Variants in CCSER1 observed in about 807,000 individuals in gnomAD.
CCSER1 encodes coiled-coil serine rich protein 1.
In CCSER1, 41 loss-of-function variants were observed where a neutral mutation model predicts 82.0. The ratio of observed to expected loss-of-function variants is 0.50; its 90% CI spans 0.39 to 0.65. The LOEUF is 0.65. Among genes scored for constraint, CCSER1 ranks in the 30% least tolerant of loss-of-function variants. CCSER1 has a pLI of 0.00. For synonymous variants in CCSER1, 414 were observed against 383.9 expected, an observed-to-expected ratio of 1.08 and a Z score of -0.92; for missense variants, 1,119 against 1,064.2, an observed-to-expected ratio of 1.05 and a Z score of -0.72.
chr4:90,340,903 A>G (rs1054808990), intron 3 of CCSER1, among the ~76,000 whole-genome samples: 1 of 152,246 alleles, frequency 6.6e-6, no homozygotes, highest in South Asian at 2.1e-4. Context: ...AAACTGGAAC[A>G]TTTAAAAGTT....
intron 3 of CCSER1, among the ~76,000 whole-genome samples, chr4:90,327,422 A>G (rs1032114381): frequency 6.6e-6 from 1 of 152,112 alleles, no homozygotes; most frequent in Non-Finnish European, 1.5e-5. Context: ...TTTCTTTCCC[A>G]TCTCTTCATT....
intron 10 of CCSER1, among the ~76,000 whole-genome samples, chr4:91,548,844 C>A (rs899835220): frequency 1.3e-4 from 20 of 151,854 alleles, no homozygotes; most frequent in African/African-American, 4.4e-4. Context: ...GCGTCATTTT[C>A]TCAACAATTA....
intron 5 of CCSER1, among the ~76,000 whole-genome samples, chr4:90,613,485 T>C (rs1367563664): frequency 6.6e-6 from 1 of 152,208 alleles, no homozygotes; most frequent in Admixed American, 6.5e-5. Flanking sequence ...ATAAGCTCCA[T>C]AGTATAAATC....
At chr4:90,153,084 G>A (rs1308709686) in intron 1 of CCSER1, among the ~76,000 whole-genome samples, 8 of 127,858 alleles carry the variant, frequency 6.3e-5, no homozygotes, top group Non-Finnish European at 1.1e-4. Context: ...CCCTTCCTGC[G>A]TCCATGTGTT....
chr4:90,930,642 A>AT (rs1486876773), intron 9 of CCSER1, among the ~76,000 whole-genome samples: 3 of 151,772 alleles, frequency 2.0e-5, no homozygotes, highest in Non-Finnish European at 2.9e-5. Flanking sequence ...AGAAAAAAAA[A>AT]GTCCTTACAG....
At position 90,868,119 on chromosome 4, in the gene CCSER1, G is replaced by A. The variant is rs191651911; in HGVS notation, c.2094+52274G>A. Among the ~76,000 whole-genome samples the A allele has an allele frequency of 1.4e-4, 21 of 151,962 alleles. No homozygotes were observed. In the East Asian group the frequency reaches 4.1e-3, roughly 30 times the overall value. On this transcript the variant is annotated intron_variant, in intron 8 of 10. Transcript: ENST00000509176. Reference sequence around the variant, plus strand: ...GGGGTTGATGAGATACTTTGATATAGGCATGCAGTGTATAATAATCACATC... The same window carrying A: ...GGGGTTGATGAGATACTTTGATATAAGCATGCAGTGTATAATAATCACATC...
chr4:91,582,629 C>A (rs1763787542), intron 10 of CCSER1, among the ~76,000 whole-genome samples: 1 of 151,432 alleles, frequency 6.6e-6, no homozygotes, highest in Non-Finnish European at 1.5e-5. Flanking sequence ...TATTGACTAT[C>A]TATTTAGGTT....
At chr4:91,367,489 A>G (rs892036304) in intron 10 of CCSER1, among the ~76,000 whole-genome samples, 6 of 150,368 alleles carry the variant, frequency 4.0e-5, no homozygotes, top group Non-Finnish European at 8.9e-5. Context: ...AGCATAGGCA[A>G]TTCTTGAGAT....
chr4:90,780,469 CCTGA>C lies in CCSER1; in HGVS notation c.2011-35290_2011-35287del, dbSNP rs1204991894. 4 of 1,612,176 alleles carry C rather than the reference CCTGA, an allele frequency of 2.5e-6. No homozygotes were observed. The African/African-American group carries it at 5.3e-5, about 22-fold the overall frequency. On this transcript the variant is annotated intron_variant, in intron 7 of 10. Transcript: ENST00000509176. ...CACATACCCTAGGGAATTCTGAAAA[CCTGA>C]CTAACATCAATTGAAGATTGGGGTT...
At chr4:90,816,534 G>A (rs888603842) in intron 8 of CCSER1, among the ~76,000 whole-genome samples, 5 of 151,970 alleles carry the variant, frequency 3.3e-5, no homozygotes, top group Admixed American at 1.3e-4. Flanking sequence ...GCAATAAAAT[G>A]TGCACTCAAT....
At chr4:91,173,205 G>A (rs893729605) in intron 10 of CCSER1, among the ~76,000 whole-genome samples, 6 of 152,148 alleles carry the variant, frequency 3.9e-5, no homozygotes, top group Non-Finnish European at 8.8e-5. Flanking sequence ...TATTCAGAAT[G>A]TCTTTAAAAC....
At chr4:91,069,557 T>C (rs76001866) in intron 9 of CCSER1, among the ~76,000 whole-genome samples, 2,895 of 152,304 alleles carry the variant, frequency 0.019, 88 homozygotes, top group African/African-American at 0.063. Flanking sequence ...TTTTACCAGA[T>C]GGACATACTG....
chr4:90,918,727 G>C (rs1727909414), intron 8 of CCSER1, among the ~76,000 whole-genome samples: 1 of 150,106 alleles, frequency 6.7e-6, no homozygotes, highest in Non-Finnish European at 1.5e-5. Context: ...ATATGTCATG[G>C]AGTCAGATTC....
intron 5 of CCSER1, among the ~76,000 whole-genome samples, chr4:90,476,947 T>C (rs1765199269): frequency 6.6e-6 from 1 of 152,206 alleles, no homozygotes; most frequent in African/African-American, 2.4e-5. Context: ...AGTACAGTTA[T>C]CACTGTACTC....
At chr4:91,067,304 A>G (rs960269761) in intron 9 of CCSER1, among the ~76,000 whole-genome samples, 5 of 151,802 alleles carry the variant, frequency 3.3e-5, no homozygotes, top group Non-Finnish European at 7.4e-5. Flanking sequence ...ATGCTGACAC[A>G]TACACTGGTA....
At chr4:91,543,211 G>T (rs1761699979) in intron 10 of CCSER1, among the ~76,000 whole-genome samples, 1 of 152,026 alleles carries the variant, frequency 6.6e-6, no homozygotes, top group Non-Finnish European at 1.5e-5. Context: ...ACATGAGATG[G>T]GTCTCCTGAA....
intron 6 of CCSER1, among the ~76,000 whole-genome samples, chr4:90,653,887 A>G (rs1399504836): frequency 6.6e-6 from 1 of 152,184 alleles, no homozygotes; most frequent in Non-Finnish European, 1.5e-5. Context: ...ACTCAGTTCC[A>G]CAGACTTAAC....
At chr4:91,366,221 A>G (rs1006460819) in intron 10 of CCSER1, among the ~76,000 whole-genome samples, 7 of 152,192 alleles carry the variant, frequency 4.6e-5, no homozygotes, top group Non-Finnish European at 2.9e-5. Context: ...GGGTTTCACT[A>G]TGTTAGCCAG....
chr4:90,958,557 T>C (rs1038033782), intron 9 of CCSER1, among the ~76,000 whole-genome samples: 3 of 152,096 alleles, frequency 2.0e-5, no homozygotes, highest in Admixed American at 6.6e-5. Flanking sequence ...GAAGGCTGCA[T>C]GCAGTCCAGT....
Sources: allele counts gnomAD v4.1 joint callset (sites outside exome capture counted in the v4.1 genomes callset), GRCh38; gene constraint gnomAD v4.1.1; transcripts MANE v1.5; gene names NCBI Gene and HGNC (gene_info 2026-07-23, HGNC 2026-07-21).